DHX36: variants seen among roughly 807,000 people sequenced by gnomAD.
DHX36 encodes the protein ATP-dependent DNA/RNA helicase DHX36.
Under a neutral mutation model 139.0 loss-of-function variants are expected in DHX36, and 50 were observed. The observed-to-expected ratio is 0.36, with a 90% CI of 0.29 to 0.46. The LOEUF (loss-of-function observed/expected upper bound fraction) is 0.46, where lower values mean the gene tolerates loss of function less well. Ranked by LOEUF, DHX36 falls within the 20% of genes least tolerant of loss-of-function variation. The probability of loss-of-function intolerance (pLI) is 1.00; values close to 1 mark genes in which losing one functional copy is unlikely to be tolerated. For missense variants in DHX36, 1,024 were observed against 1,211.3 expected (o/e 0.85, Z 2.29); for synonymous variants, 425 against 401.9 (o/e 1.06, Z -0.69).
intron 1 of DHX36, among the ~76,000 whole-genome samples, chr3:154,319,479 T>C (rs1419154726): frequency 6.6e-6 from 1 of 152,166 alleles, no homozygotes; most frequent in African/African-American, 2.4e-5. Flanking sequence ...CAGTTGGTTA[T>C]CACCAAACCT....
At chr3:154,298,988 G>A (rs1712152734) in intron 12 of DHX36, among the ~76,000 whole-genome samples, 1 of 151,602 alleles carries the variant, frequency 6.6e-6, no homozygotes, top group Non-Finnish European at 1.5e-5. Flanking sequence ...ATTATATTCA[G>A]AGGCCACACG....
rs1329993625 is a variant in DHX36, at chr3:154,300,621, G to C, written c.1434C>G (p.Leu478=). ...DKVDLNLIVA[L]IRYIVLEEED... is the part of the protein sequence containing the mutation. ...CTTCTTCCAAAACAATGTATCGGATGAGGGCAACAATCAAATTCAGATCAA... is the reference window on the plus strand; with the variant it reads ...CTTCTTCCAAAACAATGTATCGGATCAGGGCAACAATCAAATTCAGATCAA... The change falls in exon 11 of 25, where the codon CTC becomes CTG. Residue 478 remains leucine, a synonymous_variant. Transcript: ENST00000496811. The C allele has an allele frequency of 9.3e-6, 15 of 1,613,520 alleles. No homozygotes were observed. The highest frequency in any genetic ancestry group is 1.7e-5 in the Admixed American group (1 of 59,980).
chr3:154,293,841 A>G, intron 13 of DHX36, 29 bp from the exon 14 acceptor site: 1 of 1,490,376 alleles, frequency 6.7e-7, no homozygotes, highest in South Asian at 1.1e-5. Flanking sequence ...CAGAATCACA[A>G]AAGTACACTA....
At chr3:154,292,144 T>C (rs355760) in intron 15 of DHX36, among the ~76,000 whole-genome samples, 137,834 of 152,168 alleles carry the variant, frequency 0.91, 62,658 homozygotes, top group East Asian at 1. Context: ...TTTCCTTATC[T>C]GTAAAATGGA....
At chr3:154,280,907 A>G (rs1374818892) in intron 20 of DHX36, 45 bp from the exon 21 acceptor site, 1 of 1,415,614 alleles carries the variant, frequency 7.1e-7, no homozygotes, top group East Asian at 2.3e-5. Flanking sequence ...CCTTTCACAC[A>G]TTGAGGCTAT....
intron 19 of DHX36, among the ~76,000 whole-genome samples, chr3:154,284,377 C>T (rs1290518352): frequency 6.6e-6 from 1 of 151,920 alleles, no homozygotes; most frequent in Non-Finnish European, 1.5e-5. Context: ...GACAGGGTTT[C>T]GCCATGTTGG....
chr3:154,288,212 T>C (rs1302062216), intron 17 of DHX36, among the ~76,000 whole-genome samples: 3 of 150,956 alleles, frequency 2.0e-5, no homozygotes, highest in African/African-American at 7.3e-5. Context: ...ACAATACATT[T>C]GAATCTCATA....
chr3:154,290,361 C>T (rs897087320), intron 15 of DHX36, among the ~76,000 whole-genome samples: 4 of 151,972 alleles, frequency 2.6e-5, no homozygotes, highest in Admixed American at 1.3e-4. Flanking sequence ...GTAGGCCGGG[C>T]GCGATGGCTC....
intron 11 of DHX36, 60 bp downstream of exon 11, chr3:154,300,534 G>T: frequency 3.8e-6 from 5 of 1,319,856 alleles, no homozygotes; most frequent in South Asian, 3.7e-5. Flanking sequence ...ATTTTTCATG[G>T]CCTTGATACG....
intron 3 of DHX36, 55 bp from the exon 4 acceptor site, chr3:154,311,729 A>G (rs1712770163): frequency 7.0e-7 from 1 of 1,428,826 alleles, no homozygotes; most frequent in Non-Finnish European, 9.6e-7. Context: ...TCAAATTATA[A>G]TCATGGTATT....
chr3:154,306,170 A>G (rs1193960759), intron 6 of DHX36, 46 bp downstream of exon 6: 1 of 1,374,472 alleles, frequency 7.3e-7, no homozygotes, highest in African/African-American at 1.4e-5. Flanking sequence ...CCAGCTTCAA[A>G]GTTTCACTAA....
At chr3:154,309,578 C>T in intron 5 of DHX36, 75 bp downstream of exon 5, 1 of 1,304,362 alleles carries the variant, frequency 7.7e-7, no homozygotes, top group Non-Finnish European at 1.0e-6. Flanking sequence ...AATCACTCCA[C>T]ACCTTCAGAA....
chr3:154,304,217 T>C (rs542946770), intron 8 of DHX36, among the ~76,000 whole-genome samples: 4 of 152,170 alleles, frequency 2.6e-5, no homozygotes, highest in Non-Finnish European at 5.9e-5. Context: ...CCTTTCCCCC[T>C]CCTTCCTTCA....
intron 12 of DHX36, among the ~76,000 whole-genome samples, chr3:154,298,296 A>G (rs938392725): frequency 5.3e-5 from 8 of 152,210 alleles, no homozygotes; most frequent in Non-Finnish European, 1.0e-4. Context: ...TTTTAAAATT[A>G]TAAGTACACT....
At chr3:154,317,390 G>A (rs1446903290) in intron 1 of DHX36, among the ~76,000 whole-genome samples, 1 of 151,992 alleles carries the variant, frequency 6.6e-6, no homozygotes, top group African/African-American at 2.4e-5. Flanking sequence ...AAATTTTGGA[G>A]TGTTCTGCAA....
Position 154,302,191 on chromosome 3 carries a change from C to T in DHX36, c.1218-1064G>A, listed in dbSNP as rs536573854. On this transcript the variant is annotated intron_variant, in intron 9 of 24. Coordinates refer to ENST00000496811, the MANE Select transcript of DHX36 (RefSeq NM_020865.3). ...TTAGCACAGGAGAGATAGTAAGGAC[C>T]TTAGCAAAGAAATAAAAATGAGAAA... is the stretch of plus-strand genomic sequence containing the variant. Among the ~76,000 whole-genome samples, 10 of 151,892 alleles carry T rather than the reference C, an allele frequency of 6.6e-5. No homozygotes were observed. In the South Asian group the frequency reaches 2.1e-3, roughly 32 times the overall value.
rs764725753 is a variant in DHX36, at chr3:154,280,672, A to G, written c.2477-3T>C. 6.2e-7 allele frequency: 1 copy of G among 1,611,922 alleles called. No individual in the cohort carries two copies. The highest frequency in any genetic ancestry group is 1.7e-5 in the Admixed American group (1 of 59,904). On this transcript the variant is annotated splice_region_variant and splice_polypyrimidine_tract_variant and intron_variant, in intron 21 of 24. Transcript: ENST00000496811. Reference sequence around the variant, plus strand: ...AGCTTTAATTATCTTCTCATTATCTATGGGGGGTGAGAAGGTAGAGGGGAA... The same window carrying G: ...AGCTTTAATTATCTTCTCATTATCTGTGGGGGGTGAGAAGGTAGAGGGGAA...
chr3:154,302,289 G>A (rs918574843), intron 9 of DHX36, among the ~76,000 whole-genome samples: 4 of 152,124 alleles, frequency 2.6e-5, no homozygotes, highest in Non-Finnish European at 4.4e-5. Context: ...GATTAACTTG[G>A]TTACTCACTG....
chr3:154,280,820 C>T lies in DHX36; in HGVS notation c.2419G>A (p.Gly807Arg). 2 of 1,613,502 alleles carry T rather than the reference C, an allele frequency of 1.2e-6. No homozygotes were observed. Among genetic ancestry groups the T allele is most frequent in the Non-Finnish European group, 8.5e-7 (1 of 1,179,774 alleles). The change falls in exon 21 of 25, where the codon GGA becomes AGA. Residue 807 changes from glycine (G) to arginine (R), a missense_variant. Physicochemically the swap from Gly to Arg is moderately radical, Grantham distance 125 (BLOSUM62 -2). Transcript: ENST00000496811. ...TTTCTACTGCTTACAAATCCAGCTC[C>T]AAGAAGATGCTCAGCAAACTGTCCT... Reference protein sequence around the residue: ...MKGQFAEHLLGAGFVSSRNPK... With the variant: ...MKGQFAEHLLRAGFVSSRNPK...
Sources: gnomAD v4.1 joint callset for allele counts (sites outside exome capture counted in the v4.1 genomes callset) on GRCh38, gnomAD v4.1.1 for gene constraint, MANE v1.5 for transcripts, NCBI Gene and HGNC (gene_info 2026-07-23, HGNC 2026-07-21) for gene names.